The following RALYL variants were observed in gnomAD, a reference collection of about 807,000 sequenced individuals.
The protein encoded by RALYL is RNA-binding Raly-like protein.
A neutral mutation model predicts 35.1 loss-of-function variants in RALYL; 29 were observed. The observed-to-expected ratio is 0.83, with a 90% CI of 0.61 to 1.13. RALYL has a LOEUF of 1.13. Among genes scored for constraint, RALYL ranks in the 50% most tolerant of loss-of-function variants. The probability of loss-of-function intolerance (pLI) is 0.00; values close to 1 mark genes in which losing one functional copy is unlikely to be tolerated. For missense variants in RALYL, 359 were observed against 360.4 expected (o/e 1.00, Z 0.03); for synonymous variants, 120 against 127.6 (o/e 0.94, Z 0.40).
intron 2 of RALYL, among the ~76,000 whole-genome samples, chr8:84,637,302 G>A (rs1486618264): frequency 6.6e-6 from 1 of 151,862 alleles, no homozygotes; most frequent in Non-Finnish European, 1.5e-5. Flanking sequence ...GAAATGAGGA[G>A]TTAGATTTGA....
chr8:84,462,601 A>ATTTTTTTTTTTTTTTTTTTTTTTTTT (rs10667055), intron 1 of RALYL, among the ~76,000 whole-genome samples: 1 of 136,836 alleles, frequency 7.3e-6, no homozygotes, highest in African/African-American at 2.7e-5. Flanking sequence ...ATCTAGATTC[A>ATTTTTTTTTTTTTTTTTTTTTTTTTT]TTTTTTTTTT....
intron 1 of RALYL, among the ~76,000 whole-genome samples, chr8:84,318,340 G>A (rs973677412): frequency 1.3e-5 from 2 of 152,136 alleles, no homozygotes; most frequent in African/African-American, 4.8e-5. Context: ...TGAACTAAAT[G>A]TTATCAGCTT....
At position 84,253,757 on chromosome 8, in the gene RALYL, G is replaced by A. The variant is rs572386642; in HGVS notation, c.-24+69333G>A. 4.6e-5 allele frequency among the ~76,000 whole-genome samples: 7 copies of A among 152,118 alleles called. No homozygotes were observed. In the East Asian group the frequency reaches 1.4e-3, roughly 29 times the overall value. On this transcript the variant is annotated intron_variant, in intron 1 of 8. Coordinates refer to ENST00000521268, the MANE Select transcript of RALYL (RefSeq NM_173848.7). The stretch of plus-strand genomic sequence containing the variant: ...TCTCTCAGTTACCTCTGTCTGTCTA[G>A]GTAGAGTAGAATTTATGCTTGGATA...
At chr8:84,397,128 C>T (rs914125537) in intron 1 of RALYL, among the ~76,000 whole-genome samples, 5 of 152,106 alleles carry the variant, frequency 3.3e-5, no homozygotes, top group Middle Eastern at 3.4e-3. Context: ...TGGCAGAGGC[C>T]GGGGTGATGT....
At chr8:84,210,356 T>C (rs1334146530) in intron 1 of RALYL, among the ~76,000 whole-genome samples, 1 of 151,288 alleles carries the variant, frequency 6.6e-6, no homozygotes. Context: ...GTTTAATACA[T>C]TATAGATTTC....
At chr8:84,497,676 C>G (rs1306498608) in intron 1 of RALYL, among the ~76,000 whole-genome samples, 10 of 129,522 alleles carry the variant, frequency 7.7e-5, no homozygotes, top group Non-Finnish European at 1.1e-4. Context: ...CAGTCTCACT[C>G]TATCACCCAG....
chr8:84,912,111 A>G (rs1014897634), intron 8 of RALYL, among the ~76,000 whole-genome samples: 5 of 152,100 alleles, frequency 3.3e-5, no homozygotes, highest in African/African-American at 7.2e-5. Flanking sequence ...GTCTTTCTGG[A>G]GACCAACACT....
rs781271546 is a variant in RALYL at position 84,426,473 on chromosome 8, T to TGTGGGGGG, written c.-23-102825_-23-102824insTGGGGGGG. Among the ~76,000 whole-genome samples, 716 of 149,038 alleles carry TGTGGGGGG rather than the reference T, an allele frequency of 4.8e-3. 5 individuals are homozygous for TGTGGGGGG. The highest frequency in any genetic ancestry group is 7.9e-3 in the South Asian group (35 of 4,408). On this transcript the variant is annotated intron_variant, in intron 1 of 8. Coordinates refer to ENST00000521268, the MANE Select transcript of RALYL (RefSeq NM_173848.7). ...GTGTGTGTGTGTGTGTGTGTGTGTG[T>TGTGGGGGG]GGGTTTAGATTTCACATATAAGTGA... is the stretch of plus-strand genomic sequence containing the variant.
At chr8:84,674,336 T>G (rs1833800867) in intron 2 of RALYL, among the ~76,000 whole-genome samples, 1 of 152,190 alleles carries the variant, frequency 6.6e-6, no homozygotes, top group Non-Finnish European at 1.5e-5. Flanking sequence ...ATAGTTTAAC[T>G]TCCTCTCTTT....
At chr8:84,813,906 C>G (rs559816776) in intron 4 of RALYL, among the ~76,000 whole-genome samples, 98 of 128,984 alleles carry the variant, frequency 7.6e-4, no homozygotes, top group Middle Eastern at 4.5e-3. Context: ...CCCCTCCCCC[C>G]ACCCCACGAC....
chr8:84,755,873 TAAA>T (rs200896745), intron 2 of RALYL, among the ~76,000 whole-genome samples: 2 of 145,268 alleles, frequency 1.4e-5, no homozygotes, highest in Non-Finnish European at 1.5e-5. Context: ...TGGCATATTG[TAAA>T]AAAAAAAAAA....
At chr8:84,692,699 T>A (rs1838308170) in intron 2 of RALYL, among the ~76,000 whole-genome samples, 1 of 152,076 alleles carries the variant, frequency 6.6e-6, no homozygotes, top group South Asian at 2.1e-4. Context: ...TTATTTTGCA[T>A]GTGTATGTTG....
rs577327966 is a variant in RALYL, at chr8:84,367,139, C to CT, written c.-23-162146dup. On this transcript the variant is annotated intron_variant, in intron 1 of 8. Transcript: ENST00000521268. ...TCTTTTTTCTTTTGTTTTCTTTTTT[C>CT]TTTTTTTTTTTTTTGAGATGGAATC... Among the ~76,000 whole-genome samples the CT allele has an allele frequency of 4.8e-3, 661 of 136,776 alleles. 7 individuals are homozygous for CT. Among genetic ancestry groups the CT allele is most frequent in the Middle Eastern group, 0.027 (7 of 264 alleles). The allele number at this position is 136,776 out of a possible 152,430, so 89.7% of individuals were successfully genotyped here.
At chr8:84,871,035 G>A (rs1840099411) in intron 6 of RALYL, among the ~76,000 whole-genome samples, 1 of 152,158 alleles carries the variant, frequency 6.6e-6, no homozygotes, top group African/African-American at 2.4e-5. Context: ...AGCCTGCATA[G>A]GGTTAGAGGC....
At chr8:84,782,218 C>A (rs1219101799) in intron 3 of RALYL, among the ~76,000 whole-genome samples, 1 of 152,164 alleles carries the variant, frequency 6.6e-6, no homozygotes, top group Non-Finnish European at 1.5e-5. Flanking sequence ...GCTAGATCTA[C>A]AGACTAGGCC....
intron 2 of RALYL, among the ~76,000 whole-genome samples, chr8:84,655,271 C>T (rs1481588598): frequency 2.6e-5 from 4 of 151,616 alleles, no homozygotes; most frequent in African/African-American, 9.7e-5. Context: ...ATCTTTTGCC[C>T]CTTTTTAAAT....
intron 1 of RALYL, among the ~76,000 whole-genome samples, chr8:84,202,209 A>T (rs932028320): frequency 4.4e-5 from 6 of 137,304 alleles, no homozygotes; most frequent in Non-Finnish European, 9.0e-5. Context: ...TTTTGGTTTA[A>T]AAAAAAAAAA....
Position 84,887,775 on chromosome 8 carries a change from T to C in RALYL, c.857T>C (p.Leu286Pro). 6.2e-7 allele frequency: 1 copy of C among 1,610,462 alleles called. No individual in the cohort carries two copies. The highest frequency in any genetic ancestry group is 8.5e-7 in the Non-Finnish European group (1 of 1,178,528). ...EDFDEDGGHE[L>P]FLQIK ...TTCGATGAAGATGGGGGTCATGAGC[T>C]GGTAGGAAAGAAACATTTGGTATTC... Residue 286 changes from leucine to proline, a missense_variant and splice_region_variant, in exon 8 of 9, where the codon CTG (leucine) becomes CCG (proline). By Grantham distance (98) the Leu-to-Pro change is moderately conservative. Coordinates refer to ENST00000521268, the MANE Select transcript of RALYL (RefSeq NM_173848.7).
rs1256481380 is a variant in RALYL at position 84,349,414 on chromosome 8, C to T, written c.-24+164990C>T. ...AGGTATTACAGTTTAAGAAACTGAA[C>T]AAGGGGAAGAGCTGAAATCCAAACA... On this transcript the variant is annotated intron_variant, in intron 1 of 8. Transcript: ENST00000521268. Among the ~76,000 whole-genome samples the T allele has an allele frequency of 1.3e-5, 2 of 150,270 alleles. 1 individual carries two copies. Among genetic ancestry groups the T allele is most frequent in the Non-Finnish European group, 3.0e-5 (2 of 67,688 alleles).
Sources: allele counts gnomAD v4.1 joint callset (sites outside exome capture counted in the v4.1 genomes callset), GRCh38; gene constraint gnomAD v4.1.1; transcripts MANE v1.5; gene names NCBI Gene and HGNC (gene_info 2026-07-23, HGNC 2026-07-21).